Variants in TMEM200A observed in about 807,000 individuals in gnomAD.
TMEM200A encodes transmembrane protein 200A.
In TMEM200A, 12 loss-of-function variants were observed where a neutral mutation model predicts 24.3. That is an observed-to-expected ratio of 0.49 (90% confidence interval 0.32 to 0.80). The LOEUF is 0.80. TMEM200A is among the 30% of genes least tolerant of loss of function. TMEM200A has a pLI of 0.04. For missense variants in TMEM200A, 545 were observed against 614.4 expected, an observed-to-expected ratio of 0.89 and a Z score of 1.19; for synonymous variants, 224 against 224.4, an observed-to-expected ratio of 1.00 and a Z score of 0.02.
At chr6:130,378,360 GCC>G (rs1778511585) in intron 1 of TMEM200A, among the ~76,000 whole-genome samples, 1 of 151,178 alleles carries the variant, frequency 6.6e-6, no homozygotes, top group African/African-American at 2.4e-5. Flanking sequence ...TCAGTTATAG[GCC>G]TGCCTGATAG....
At chr6:130,390,662 A>G (rs569615984) in intron 2 of TMEM200A, among the ~76,000 whole-genome samples, 2 of 152,314 alleles carry the variant, frequency 1.3e-5, no homozygotes, top group East Asian at 3.9e-4. Flanking sequence ...CTTACTTAAT[A>G]CTGATAATGG....
chr6:130,383,152 G>A (rs1052285245), intron 1 of TMEM200A: 9 of 708,808 alleles, frequency 1.3e-5, no homozygotes, highest in African/African-American at 1.2e-4. Context: ...TTAGTTGTCC[G>A]TAGCATCGGG....
intron 2 of TMEM200A, among the ~76,000 whole-genome samples, chr6:130,391,624 A>T (rs903861844): frequency 6.6e-5 from 10 of 151,876 alleles, no homozygotes; most frequent in Non-Finnish European, 1.0e-4. Context: ...TCATAGTATT[A>T]CTAGAGGTCT....
At chr6:130,401,958 T>C (rs1457155423) in intron 2 of TMEM200A, among the ~76,000 whole-genome samples, 1 of 151,984 alleles carries the variant, frequency 6.6e-6, no homozygotes, top group East Asian at 1.9e-4. Context: ...GTAGGGACAG[T>C]GTACCTTTGT....
chr6:130,430,976 A>G (rs1321892196), intron 2 of TMEM200A, among the ~76,000 whole-genome samples: 1 of 152,240 alleles, frequency 6.6e-6, no homozygotes, highest in East Asian at 1.9e-4. Flanking sequence ...CTCACTGTTC[A>G]TTTAGATGGT....
chr6:130,405,169 A>T lies in TMEM200A; in HGVS notation c.-17+19933A>T, dbSNP rs192319512. Among the ~76,000 whole-genome samples, 125 of 151,796 alleles carry T rather than the reference A, an allele frequency of 8.2e-4. 1 individual carries two copies. The East Asian group carries it at 0.014, about 17-fold the overall frequency. On this transcript the variant is annotated intron_variant, in intron 2 of 2. Coordinates refer to ENST00000296978, the MANE Select transcript of TMEM200A (RefSeq NM_001258277.2). ...TTTTTGGTTCCATATGAATTTAAAA[A>T]TTTTTTTTTCTAGTTCTGTGAAGAA...
rs114070171 is a variant in TMEM200A at position 130,424,325 on chromosome 6, A to G, written c.-16-16082A>G. ...GAAATGGAGCAATTTTTCCTCCTGC[A>G]TTTTTCTGAAACTAAATACAATAAT... is the stretch of plus-strand genomic sequence containing the variant. On this transcript the variant is annotated intron_variant, in intron 2 of 2. Transcript: ENST00000296978. 1.9e-3 allele frequency among the ~76,000 whole-genome samples: 289 copies of G among 152,216 alleles called. 1 individual carries two copies. The highest frequency in any genetic ancestry group is 6.2e-3 in the African/African-American group (259 of 41,556).
At chr6:130,379,729 T>C (rs1299418468) in intron 1 of TMEM200A, among the ~76,000 whole-genome samples, 1 of 152,118 alleles carries the variant, frequency 6.6e-6, no homozygotes, top group Non-Finnish European at 1.5e-5. Flanking sequence ...GTGAGACATC[T>C]TAGGGGAAAG....
chr6:130,403,463 G>A (rs1367004464), intron 2 of TMEM200A, among the ~76,000 whole-genome samples: 1 of 151,850 alleles, frequency 6.6e-6, no homozygotes, highest in Non-Finnish European at 1.5e-5. Context: ...GATTCACAAT[G>A]GTGATTATTT....
chr6:130,401,386 CTTG>C (rs1779078682), intron 2 of TMEM200A, among the ~76,000 whole-genome samples: 1 of 128,114 alleles, frequency 7.8e-6, no homozygotes, highest in African/African-American at 4.2e-5. Flanking sequence ...TGCTTGCTTG[CTTG>C]CTTCTTTCTT....
At position 130,442,262 on chromosome 6, in the gene TMEM200A, C is replaced by T. The variant is rs78628903; in HGVS notation, c.*364C>T. 74 of 187,656 alleles carry T rather than the reference C, an allele frequency of 3.9e-4. No individual in the cohort carries two copies. The highest frequency in any genetic ancestry group is 1.2e-3 in the Admixed American group (21 of 17,746). 11.6% of individuals were successfully genotyped at this position (187,656 alleles called of 1,614,324 possible). A position where few individuals can be genotyped will look rare whatever the true frequency, so the allele number is the denominator to read the frequency against. On this transcript the variant is annotated 3_prime_UTR_variant, in exon 3 of 3. Transcript: ENST00000296978. ...AAAACATAGGGTACCAAAGTGTGGA[C>T]CAGGAGTACAAATTCAGTCCCAATA... is the stretch of plus-strand genomic sequence containing the variant.
chr6:130,389,279 C>T (rs1408127412), intron 2 of TMEM200A, among the ~76,000 whole-genome samples: 1 of 152,112 alleles, frequency 6.6e-6, no homozygotes, highest in Non-Finnish European at 1.5e-5. Flanking sequence ...TAAGTGGAAG[C>T]AGAAGCAGTT....
chr6:130,420,864 A>G (rs915324261), intron 2 of TMEM200A, among the ~76,000 whole-genome samples: 1 of 151,718 alleles, frequency 6.6e-6, no homozygotes, highest in African/African-American at 2.4e-5. Flanking sequence ...CTTCCTACTC[A>G]TTTCTTCTTC....
chr6:130,398,026 T>A (rs1778991800), intron 2 of TMEM200A, among the ~76,000 whole-genome samples: 1 of 152,046 alleles, frequency 6.6e-6, no homozygotes, highest in African/African-American at 2.4e-5. Context: ...GTTACATGGG[T>A]AAATTCCATG....
intron 2 of TMEM200A, among the ~76,000 whole-genome samples, chr6:130,415,464 C>T (rs1016240846): frequency 6.6e-6 from 1 of 152,112 alleles, no homozygotes; most frequent in African/African-American, 2.4e-5. Flanking sequence ...TTGCACCATT[C>T]CTTGGTGAAG....
chr6:130,428,507 C>A (rs896630254), intron 2 of TMEM200A, among the ~76,000 whole-genome samples: 5 of 152,046 alleles, frequency 3.3e-5, no homozygotes, highest in African/African-American at 9.7e-5. Context: ...AGAGAGCTTT[C>A]TCTCTGACAG....
At chr6:130,383,123 C>A in intron 1 of TMEM200A, 2 of 925,936 alleles carry the variant, frequency 2.2e-6, no homozygotes, top group Non-Finnish European at 2.6e-6. Flanking sequence ...TGAATTAGGA[C>A]GGCACTCCAT....
At position 130,427,724 on chromosome 6, in the gene TMEM200A, CT is replaced by C. The variant is rs374467252; in HGVS notation, c.-16-12672del. 5.6e-3 allele frequency among the ~76,000 whole-genome samples: 811 copies of C among 144,640 alleles called. 4 individuals are homozygous for C. Among genetic ancestry groups the C allele is most frequent in the African/African-American group, 0.012 (494 of 39,792 alleles). The allele number at this position is 144,640 out of a possible 152,430, so 94.9% of individuals were successfully genotyped here. ...TAATGGTCATAATCAATCTTTTTGT[CT>C]TTTTTTTTTTCATTTTTGCCAATTA... On this transcript the variant is annotated intron_variant, in intron 2 of 2. Coordinates refer to ENST00000296978, the MANE Select transcript of TMEM200A (RefSeq NM_001258277.2).
At chr6:130,415,861 T>C (rs1345174881) in intron 2 of TMEM200A, among the ~76,000 whole-genome samples, 1 of 152,188 alleles carries the variant, frequency 6.6e-6, no homozygotes, top group African/African-American at 2.4e-5. Flanking sequence ...AACAAGTCAT[T>C]TGAAAATCAA....
Sources: allele counts gnomAD v4.1 joint callset (sites outside exome capture counted in the v4.1 genomes callset), GRCh38; gene constraint gnomAD v4.1.1; transcripts MANE v1.5; gene names NCBI Gene and HGNC (gene_info 2026-07-23, HGNC 2026-07-21).